SRFBP1: variants seen among roughly 807,000 people sequenced by gnomAD.
The protein encoded by SRFBP1 is serum response factor binding protein 1.
SRFBP1 carries 47 observed loss-of-function variants against 45.5 expected under a neutral mutation model. That is an observed-to-expected ratio of 1.03 (90% CI 0.82 to 1.32). The LOEUF is 1.32. SRFBP1 is among the 40% of genes most tolerant of loss of function. The pLI, the probability that SRFBP1 is intolerant of heterozygous loss-of-function variation, is 0.00. For missense variants in SRFBP1, 621 were observed against 484.6 expected, an observed-to-expected ratio of 1.28 and a Z score of -2.64; for synonymous variants, 203 against 166.3, an observed-to-expected ratio of 1.22 and a Z score of -1.70.
intron 2 of SRFBP1, among the ~76,000 whole-genome samples, chr5:122,074,811 G>A (rs1754568826): frequency 6.6e-6 from 1 of 152,170 alleles, no homozygotes; most frequent in South Asian, 2.1e-4. Context: ...GACTGGCTTG[G>A]ATTTCAGGAA....
chr5:121,966,046 G>C (rs1469656558), intron 1 of SRFBP1, among the ~76,000 whole-genome samples: 1 of 152,160 alleles, frequency 6.6e-6, no homozygotes, highest in African/African-American at 2.4e-5. Context: ...TGTATCCTGA[G>C]ACTTTGCTGA....
intron 2 of SRFBP1, among the ~76,000 whole-genome samples, chr5:122,059,375 C>T (rs1217293273): frequency 6.6e-6 from 1 of 151,966 alleles, no homozygotes; most frequent in Non-Finnish European, 1.5e-5. Context: ...GTTTTTTATC[C>T]CATCCCTCTG....
downstream of SRFBP1, among the ~76,000 whole-genome samples, chr5:122,031,972 A>C (rs1753595763): frequency 2.0e-5 from 3 of 151,904 alleles, no homozygotes; most frequent in South Asian, 6.2e-4. Context: ...GAGCTGGGAG[A>C]GGGAAGAATA....
At chr5:121,995,879 A>C (rs1187007944) in intron 4 of SRFBP1, among the ~76,000 whole-genome samples, 1 of 152,116 alleles carries the variant, frequency 6.6e-6, no homozygotes, top group Non-Finnish European at 1.5e-5. Context: ...AGAATACTAC[A>C]AACACCTCTA....
At chr5:122,015,862 G>T (rs1753184758) in intron 4 of SRFBP1, among the ~76,000 whole-genome samples, 1 of 152,100 alleles carries the variant, frequency 6.6e-6, no homozygotes, top group African/African-American at 2.4e-5. Flanking sequence ...TTTATGTTGT[G>T]GTAGGTAAAG....
intron 4 of SRFBP1, among the ~76,000 whole-genome samples, 161 bp from the exon 5 acceptor site, chr5:122,019,099 A>C (rs542910236): frequency 1.2e-4 from 18 of 152,278 alleles, no homozygotes; most frequent in African/African-American, 4.3e-4. Context: ...CTTTGTCTTT[A>C]GCATGGATTG....
rs759292667 is a variant in SRFBP1 at position 122,027,025 on chromosome 5, C to T, written c.1189C>T (p.Gln397Ter). Reference protein sequence around the residue: ...GRLENTKQQLQLPLHPSWEAS... With the variant: ...GRLENTKQQL ...ACTTGAAAATACAAAACAGCAATTG[C>T]AGCTGCCTCTTCATCCTTCATGGGA... is the stretch of plus-strand genomic sequence containing the variant. Residue 397 changes from glutamine to a stop codon, truncating the protein, a stop_gained, in exon 8 of 8, where the codon CAG becomes TAG. Transcript: ENST00000339397. LOFTEE classifies it high-confidence loss of function. 1.3e-5 allele frequency: 21 copies of T among 1,612,196 alleles called. No individual in the cohort carries two copies. The Admixed American group carries it at 2.8e-4, about 22-fold the overall frequency.
At chr5:122,030,391 A>C (rs1429673486), downstream of SRFBP1, among the ~76,000 whole-genome samples, 1 of 152,174 alleles carries the variant, frequency 6.6e-6, no homozygotes, top group Non-Finnish European at 1.5e-5. Context: ...TCATAGTGCA[A>C]ACCAGCAGCC....
rs1754419854 is a variant in SRFBP1, at chr5:122,070,560, A to G, written n.312-4755A>G. 1.9e-6 allele frequency: 3 copies of G among 1,606,810 alleles called. No individual in the cohort carries two copies. The highest frequency in any genetic ancestry group is 1.7e-4 in the Middle Eastern group (1 of 5,970). ...TCCACTGGCAGTCTATGTCTGCACCATAGGTATCATAACAGCCAGGACTCA... is the reference window on the plus strand; with the variant it reads ...TCCACTGGCAGTCTATGTCTGCACCGTAGGTATCATAACAGCCAGGACTCA... On this transcript the variant is annotated intron_variant and non_coding_transcript_variant, in intron 2 of 2. Transcript: ENST00000504881.
intron 4 of SRFBP1, among the ~76,000 whole-genome samples, chr5:122,017,498 C>T (rs1263795869): frequency 6.6e-6 from 1 of 152,168 alleles, no homozygotes; most frequent in Non-Finnish European, 1.5e-5. Flanking sequence ...CACCCTGATC[C>T]ACTGTGATTC....
At chr5:122,048,065 G>T (rs772582858) in intron 2 of SRFBP1, among the ~76,000 whole-genome samples, 27 of 151,992 alleles carry the variant, frequency 1.8e-4, no homozygotes, top group Non-Finnish European at 3.7e-4. Context: ...TGCCCTGCCC[G>T]GAACTTCCAA....
At chr5:122,038,622 A>G (rs976306950) in intron 2 of SRFBP1, among the ~76,000 whole-genome samples, 14 of 152,222 alleles carry the variant, frequency 9.2e-5, no homozygotes, top group African/African-American at 3.1e-4. Flanking sequence ...AGACCTGAGT[A>G]AGGGTGTGCA....
chr5:121,988,955 C>T (rs924300564), intron 3 of SRFBP1, among the ~76,000 whole-genome samples: 5 of 151,574 alleles, frequency 3.3e-5, no homozygotes, highest in Non-Finnish European at 5.9e-5. Flanking sequence ...ATTCTGCATT[C>T]GAAATTGCAG....
intron 1 of SRFBP1, among the ~76,000 whole-genome samples, chr5:121,973,062 A>ATT: frequency 6.6e-6 from 1 of 152,030 alleles, no homozygotes; most frequent in Non-Finnish European, 1.5e-5. Context: ...AGCCTTAAAG[A>ATT]AACAGGATGA....
intron 3 of SRFBP1, among the ~76,000 whole-genome samples, chr5:121,980,478 TAAA>T (rs909277770): frequency 6.6e-6 from 1 of 152,192 alleles, no homozygotes; most frequent in African/African-American, 2.4e-5. Context: ...CTACATCCGT[TAAA>T]ACGTTTTTAT....
intron 2 of SRFBP1, among the ~76,000 whole-genome samples, chr5:122,056,823 A>G (rs897389263): frequency 1.3e-5 from 2 of 152,208 alleles, no homozygotes; most frequent in African/African-American, 4.8e-5. Context: ...CTCTGTGTCC[A>G]CAGGGCATGT....
chr5:121,994,334 GTCTT>G (rs750024538), intron 3 of SRFBP1, among the ~76,000 whole-genome samples: 3 of 151,808 alleles, frequency 2.0e-5, no homozygotes, highest in Non-Finnish European at 2.9e-5. Flanking sequence ...TTCTTTGTGA[GTCTT>G]TATTATATAC....
chr5:121,998,038 A>C (rs1296159226), intron 4 of SRFBP1, among the ~76,000 whole-genome samples: 2 of 152,072 alleles, frequency 1.3e-5, no homozygotes, highest in Admixed American at 6.5e-5. Context: ...GAGGATGTGG[A>C]GAAATAGGAA....
intron 4 of SRFBP1, among the ~76,000 whole-genome samples, chr5:122,000,457 A>T (rs1371099864): frequency 6.6e-6 from 1 of 152,060 alleles, no homozygotes; most frequent in East Asian, 1.9e-4. Context: ...GACTCTTAAA[A>T]TATCTTGAAG....
Sources: gnomAD v4.1 joint callset for allele counts (sites outside exome capture counted in the v4.1 genomes callset) on GRCh38, gnomAD v4.1.1 for gene constraint, MANE v1.5 for transcripts, NCBI Gene and HGNC (gene_info 2026-07-23, HGNC 2026-07-21) for gene names.